SDK1: variants seen among roughly 807,000 people sequenced by gnomAD.
SDK1 encodes protein sidekick-1.
Under a neutral mutation model 245.5 loss-of-function variants are expected in SDK1, and 157 were observed. The ratio of observed to expected loss-of-function variants is 0.64; its 90% confidence interval spans 0.56 to 0.73. The LOEUF (loss-of-function observed/expected upper bound fraction) is 0.73. Among genes scored for constraint, SDK1 ranks in the 30% least tolerant of loss-of-function variants. SDK1 has a pLI of 0.00. For synonymous variants in SDK1, 1,647 were observed against 1,278.5 expected (o/e 1.29, Z -6.15); for missense variants, 3,583 against 3,002.3 (o/e 1.19, Z -4.52).
intron 25 of SDK1, among the ~76,000 whole-genome samples, chr7:4,115,991 C>G (rs1162012032): frequency 6.6e-6 from 1 of 152,110 alleles, no homozygotes; most frequent in Non-Finnish European, 1.5e-5. Flanking sequence ...GGCACAAGGC[C>G]TGTTGGCATG....
intron 35 of SDK1, among the ~76,000 whole-genome samples, chr7:4,181,619 C>T (rs1782608119): frequency 6.6e-6 from 1 of 152,208 alleles, no homozygotes; most frequent in African/African-American, 2.4e-5. Context: ...TGCCCCACTC[C>T]TCCTCAACAC....
intron 5 of SDK1, among the ~76,000 whole-genome samples, chr7:3,880,484 G>A (rs951792121): frequency 1.4e-5 from 2 of 145,662 alleles, no homozygotes; most frequent in African/African-American, 5.0e-5. Flanking sequence ...GGGCTGCCAA[G>A]ATCAAAAAAG....
chr7:3,382,878 T>A (rs1194847506), intron 1 of SDK1, among the ~76,000 whole-genome samples: 1 of 152,210 alleles, frequency 6.6e-6, no homozygotes, highest in Non-Finnish European at 1.5e-5. Flanking sequence ...GATTTCTGTT[T>A]TATTGTATAT....
intron 22 of SDK1, among the ~76,000 whole-genome samples, chr7:4,089,071 A>C (rs1304712312): frequency 7.1e-6 from 1 of 140,254 alleles, no homozygotes; most frequent in Admixed American, 6.8e-5. Context: ...GGTGGAGGTG[A>C]GACCCTCCCT....
chr7:3,453,070 T>C (rs1234836651), intron 1 of SDK1, among the ~76,000 whole-genome samples: 1 of 152,186 alleles, frequency 6.6e-6, no homozygotes, highest in East Asian at 1.9e-4. Context: ...GAGTGGACCC[T>C]GTGTCACAGC....
Position 3,639,067 on chromosome 7 carries a change from A to G in SDK1, c.522A>G (p.Arg174=). Residue 174 remains arginine (R), a synonymous_variant, in exon 3 of 45, where the codon AGA becomes AGG. Transcript: ENST00000404826. ...TTTACCGCTGCGTGGTGCGAAACAG[A>G]ATGGGAGCACTCCTGCAAAGAAAAT... ...AGFYRCVVRN[R]MGALLQRKSE... 6.2e-7 allele frequency: 1 copy of G among 1,604,230 alleles called. No individual in the cohort carries two copies. Among genetic ancestry groups the G allele is most frequent in the Non-Finnish European group, 8.5e-7 (1 of 1,172,594 alleles).
chr7:3,760,381 T>A (rs776105382), intron 4 of SDK1, among the ~76,000 whole-genome samples: 2 of 152,230 alleles, frequency 1.3e-5, no homozygotes, highest in Non-Finnish European at 2.9e-5. Flanking sequence ...TCTTTCTGAA[T>A]ACAGTTTGCT....
At chr7:3,522,629 C>T (rs137856948) in intron 1 of SDK1, among the ~76,000 whole-genome samples, 238 of 152,174 alleles carry the variant, frequency 1.6e-3, no homozygotes, top group Non-Finnish European at 2.8e-3. Flanking sequence ...CCTGGGCTGA[C>T]CTTTGAACGA....
intron 4 of SDK1, among the ~76,000 whole-genome samples, chr7:3,790,926 A>G (rs965849158): frequency 6.6e-6 from 1 of 152,056 alleles, no homozygotes; most frequent in South Asian, 2.1e-4. Flanking sequence ...AATTAACTTG[A>G]CAGTAATCAA....
chr7:3,994,809 G>A (rs756340382), intron 14 of SDK1, among the ~76,000 whole-genome samples: 7 of 152,108 alleles, frequency 4.6e-5, no homozygotes, highest in Non-Finnish European at 7.4e-5. Context: ...CTAACTGGCT[G>A]TTGCCCATCA....
At chr7:4,251,139 TG>T (rs1357445576) in intron 44 of SDK1, among the ~76,000 whole-genome samples, 1 of 152,200 alleles carries the variant, frequency 6.6e-6, no homozygotes, top group African/African-American at 2.4e-5. Flanking sequence ...CTATATTATA[TG>T]GGGGGAAATT....
intron 5 of SDK1, among the ~76,000 whole-genome samples, chr7:3,859,012 G>A (rs989117580): frequency 1.3e-4 from 20 of 150,514 alleles, no homozygotes; most frequent in African/African-American, 3.2e-4. Context: ...ACAGGCGCCC[G>A]CCACCATGCC....
intron 1 of SDK1, among the ~76,000 whole-genome samples, chr7:3,591,918 G>C (rs1780887767): frequency 1.3e-5 from 2 of 152,182 alleles, no homozygotes; most frequent in Admixed American, 1.3e-4. Flanking sequence ...GAGAGGACTG[G>C]GGTCAATAAA....
chr7:3,393,708 C>A (rs1197969493), intron 1 of SDK1, among the ~76,000 whole-genome samples: 1 of 152,100 alleles, frequency 6.6e-6, no homozygotes, highest in Non-Finnish European at 1.5e-5. Context: ...TTAATTATTT[C>A]AATCTCTGTT....
chr7:3,413,719 G>A (rs926790277), intron 1 of SDK1, among the ~76,000 whole-genome samples: 2 of 152,116 alleles, frequency 1.3e-5, no homozygotes, highest in African/African-American at 2.4e-5. Context: ...CTAGGAGGCT[G>A]TGCATGGTGG....
intron 5 of SDK1, among the ~76,000 whole-genome samples, chr7:3,841,916 G>A (rs746013704): frequency 6.6e-6 from 1 of 152,186 alleles, no homozygotes; most frequent in East Asian, 1.9e-4. Flanking sequence ...GACCCATTGG[G>A]TGGTGGAAAT....
chr7:4,062,340 T>C (rs1377529507), intron 19 of SDK1, among the ~76,000 whole-genome samples: 1 of 151,948 alleles, frequency 6.6e-6, no homozygotes, highest in Non-Finnish European at 1.5e-5. Context: ...AACTATACAC[T>C]AACAAATTGG....
intron 1 of SDK1, among the ~76,000 whole-genome samples, chr7:3,555,498 A>G (rs1015384133): frequency 4.6e-5 from 7 of 152,222 alleles, no homozygotes; most frequent in African/African-American, 1.4e-4. Flanking sequence ...GAAACTCTCC[A>G]GGGCATTGGA....
At chr7:3,413,985 G>A (rs543121082) in intron 1 of SDK1, among the ~76,000 whole-genome samples, 1 of 152,074 alleles carries the variant, frequency 6.6e-6, no homozygotes, top group South Asian at 2.1e-4. Flanking sequence ...AAAATAAAAA[G>A]ATAACTTGGG....
Sources: allele counts gnomAD v4.1 joint callset (sites outside exome capture counted in the v4.1 genomes callset), GRCh38; gene constraint gnomAD v4.1.1; transcripts MANE v1.5; gene names NCBI Gene and HGNC (gene_info 2026-07-23, HGNC 2026-07-21).